Variants in HAUS7 observed in about 807,000 individuals in gnomAD.
HAUS7 encodes the protein HAUS augmin like complex subunit 7, also known as HAUS augmin-like complex subunit 7.
A neutral mutation model predicts 28.4 loss-of-function variants in HAUS7; 3 were observed. The observed-to-expected ratio is 0.11, with a 90% CI of 0.05 to 0.27. The LOEUF is 0.27. Among genes scored for constraint, HAUS7 ranks in the 10% least tolerant of loss-of-function variants. HAUS7 has a pLI of 1.00. For synonymous variants in HAUS7, 165 were observed against 132.1 expected, an observed-to-expected ratio of 1.25 and a Z score of -1.71; for missense variants, 284 against 297.3, an observed-to-expected ratio of 0.96 and a Z score of 0.33.
chrX:153,481,431 C>T (rs1418904245), intron 1 of HAUS7: 3 of 753,498 alleles, frequency 4.0e-6, no homozygotes, highest in African/African-American at 4.6e-5. Context: ...AGGGTGGCGG[C>T]GGCAGCACCT....
intron 1 of HAUS7, among the ~76,000 whole-genome samples, chrX:153,488,220 A>T (rs1242651496): frequency 1.8e-5 from 2 of 112,246 alleles, no homozygotes; most frequent in East Asian, 5.7e-4. Context: ...ATCCCACCCC[A>T]TCACCTCAGC....
intron 1 of HAUS7, among the ~76,000 whole-genome samples, chrX:153,475,726 G>A (rs2089558428): frequency 8.9e-6 from 1 of 112,511 alleles, no homozygotes; most frequent in Non-Finnish European, 1.9e-5. Context: ...GCTCAAGAAT[G>A]GGCCTGTTCC....
chrX:153,469,010 G>C (rs1406843781), intron 2 of HAUS7, 136 bp downstream of exon 2: 2 of 471,459 alleles, frequency 4.2e-6, no homozygotes, highest in East Asian at 7.0e-5. Flanking sequence ...CTGTTCTCAC[G>C]AGGGTCCAGG....
Position 153,462,686 on chromosome X carries a change from A to G in HAUS7, c.293-15T>C. ...CTTCGTCATTTCTGTTGAAACACAA[A>G]GAGCCCATCATGGCAGGCACCTGCC... On this transcript the variant is annotated splice_polypyrimidine_tract_variant and intron_variant, in intron 3 of 9. Coordinates refer to ENST00000370211, the MANE Select transcript of HAUS7 (RefSeq NM_001385482.1). 1 of 1,175,622 alleles carries G rather than the reference A, an allele frequency of 8.5e-7. No individual in the cohort carries two copies. Among genetic ancestry groups the G allele is most frequent in the African/African-American group, 1.7e-5 (1 of 57,337 alleles).
intron 1 of HAUS7, among the ~76,000 whole-genome samples, chrX:153,487,673 G>A (rs1304324283): frequency 2.7e-5 from 3 of 112,653 alleles, no homozygotes; most frequent in Non-Finnish European, 5.6e-5. Context: ...TGAGCACGTG[G>A]TCTGTGCAAA....
intron 1 of HAUS7, among the ~76,000 whole-genome samples, chrX:153,476,755 C>A (rs1422023372): frequency 4.5e-5 from 5 of 111,955 alleles, no homozygotes; most frequent in African/African-American, 1.6e-4. Flanking sequence ...CTCTTTCCAG[C>A]AACCCTCGGG....
intron 8 of HAUS7, chrX:153,455,194 C>A: frequency 2.4e-6 from 1 of 417,984 alleles, no homozygotes; most frequent in South Asian, 2.7e-5. Flanking sequence ...AATGAATGGA[C>A]CTTGCTATTT....
At chrX:153,454,864 G>A (rs1556981731) in intron 8 of HAUS7, 13 of 992,864 alleles carry the variant, frequency 1.3e-5, no homozygotes, top group African/African-American at 1.9e-5. Flanking sequence ...ACAGGAGAGG[G>A]CTGTGGCCTC....
chrX:153,464,127 C>T (rs1237179342), intron 3 of HAUS7, among the ~76,000 whole-genome samples: 2 of 112,748 alleles, frequency 1.8e-5, no homozygotes, highest in Non-Finnish European at 3.8e-5. Context: ...AAGCCTGACA[C>T]TCAGTATATT....
chrX:153,492,083 G>C (rs1190530848), intron 1 of HAUS7, among the ~76,000 whole-genome samples: 1 of 112,539 alleles, frequency 8.9e-6, no homozygotes, highest in Non-Finnish European at 1.9e-5. Flanking sequence ...CTCCTCCCCA[G>C]GATCCCTGAG....
Position 153,456,546 on chromosome X carries a change from C to T in HAUS7, c.552G>A (p.Pro184=), listed in dbSNP as rs371288787. The change falls in exon 6 of 10, where the codon CCG becomes CCA. Residue 184 remains proline, a synonymous_variant. Coordinates refer to ENST00000370211, the MANE Select transcript of HAUS7 (RefSeq NM_001385482.1). ...GGAGGGGCTGCATGTCCAGGGGCCA[C>T]GGGTCGCACTCTGGATTCAGGAGCA... ...LQMLLNPECD[P]WPLDMQPLLN... 4.3e-6 allele frequency: 5 copies of T among 1,175,855 alleles called. No individual in the cohort carries two copies. Among genetic ancestry groups the T allele is most frequent in the African/African-American group, 3.5e-5 (2 of 56,447 alleles).
chrX:153,472,295 A>G (rs1348584965), upstream of HAUS7, among the ~76,000 whole-genome samples: 2 of 112,179 alleles, frequency 1.8e-5, no homozygotes, highest in Admixed American at 1.9e-4. Context: ...TTGAGAGGCG[A>G]AGATCATCTT....
At chrX:153,462,481 C>T (rs2089404525) in intron 4 of HAUS7, 129 bp downstream of exon 4, 2 of 578,903 alleles carry the variant, frequency 3.5e-6, no homozygotes, top group Non-Finnish European at 5.8e-6. Context: ...CCCAGCCGGC[C>T]CCAGGGCCTG....
chrX:153,493,403 C>A (rs1444575647), intron 1 of HAUS7, among the ~76,000 whole-genome samples: 1 of 112,262 alleles, frequency 8.9e-6, no homozygotes, highest in African/African-American at 3.2e-5. Context: ...AATGAGTTGG[C>A]AGTGGGGGAG....
chrX:153,494,313 T>G (rs782309839), intron 1 of HAUS7, among the ~76,000 whole-genome samples: 6 of 112,721 alleles, frequency 5.3e-5, no homozygotes, highest in African/African-American at 1.9e-4. Context: ...CGTCTCTGAA[T>G]CAGTTCAGGG....
chrX:153,471,040 C>T (rs2089519591), upstream of HAUS7: 1 of 323,419 alleles, frequency 3.1e-6, no homozygotes, highest in Non-Finnish European at 6.1e-6. Context: ...TAAGGGGCAC[C>T]CTGGTTCCCA....
chrX:153,465,923 C>A (rs782217714), intron 2 of HAUS7, among the ~76,000 whole-genome samples: 3 of 112,632 alleles, frequency 2.7e-5, no homozygotes, highest in Non-Finnish European at 5.6e-5. Context: ...GCACCTGCCA[C>A]CACAGCAGCC....
At chrX:153,473,833 C>T (rs2089544996), upstream of HAUS7, among the ~76,000 whole-genome samples, 1 of 111,033 alleles carries the variant, frequency 9.0e-6, no homozygotes, top group Admixed American at 9.5e-5. Context: ...CTCATCTCCT[C>T]CCTGTCTTCC....
At position 153,447,835 on chromosome X, in the gene HAUS7, C is replaced by T. The variant is rs782383383; in HGVS notation, c.*43G>A. On this transcript the variant is annotated 3_prime_UTR_variant, in exon 10 of 10. Transcript: ENST00000370211. ...CGATCTTGGGAGAGGGCTTCCTGCC[C>T]GCCCCATCCTGTGCTTTGGCGTAGG... 5 of 1,115,595 alleles carry T rather than the reference C, an allele frequency of 4.5e-6. No homozygotes were observed. Among genetic ancestry groups the T allele is most frequent in the East Asian group, 3.0e-5 (1 of 33,480 alleles). The allele number at this position is 1,115,595 out of a possible 1,213,427, so 91.9% of individuals were successfully genotyped here. A position where few individuals can be genotyped will look rare whatever the true frequency, so the allele number is the denominator to read the frequency against.
Sources: gnomAD v4.1 joint callset for allele counts (sites outside exome capture counted in the v4.1 genomes callset) on GRCh38, gnomAD v4.1.1 for gene constraint, MANE v1.5 for transcripts, NCBI Gene and HGNC (gene_info 2026-07-23, HGNC 2026-07-21) for gene names.